TACR3: variants seen among roughly 807,000 people sequenced by gnomAD.
TACR3 encodes the protein neuromedin-K receptor.
A neutral mutation model predicts 35.0 loss-of-function variants in TACR3; 34 were observed. The ratio of observed to expected loss-of-function variants is 0.97; its 90% CI spans 0.74 to 1.30. TACR3 has a LOEUF of 1.30. Ranked by LOEUF, TACR3 falls within the 50% of genes most tolerant of loss-of-function variation. TACR3 has a pLI of 0.00. For synonymous variants in TACR3, 233 were observed against 221.1 expected, an observed-to-expected ratio of 1.05 and a Z score of -0.48; for missense variants, 558 against 591.7, an observed-to-expected ratio of 0.94 and a Z score of 0.59.
At chr4:103,598,529 A>G (rs1388202164) in intron 3 of TACR3, among the ~76,000 whole-genome samples, 1 of 152,160 alleles carries the variant, frequency 6.6e-6, no homozygotes, top group African/African-American at 2.4e-5. Flanking sequence ...GTCCTTGCCC[A>G]TGCCTATGTA....
At chr4:103,699,697 T>G (rs1207451198) in intron 1 of TACR3, among the ~76,000 whole-genome samples, 1 of 152,246 alleles carries the variant, frequency 6.6e-6, no homozygotes, top group Non-Finnish European at 1.5e-5. Context: ...TAGACATGAC[T>G]AGATTTGCTG....
At chr4:103,600,281 C>T (rs1280071940) in intron 3 of TACR3, among the ~76,000 whole-genome samples, 2 of 152,022 alleles carry the variant, frequency 1.3e-5, no homozygotes, top group South Asian at 2.1e-4. Flanking sequence ...AGTTTGTATT[C>T]CTGTGGGATC....
At chr4:103,717,623 G>C (rs1406651162) in intron 1 of TACR3, among the ~76,000 whole-genome samples, 1 of 151,908 alleles carries the variant, frequency 6.6e-6, no homozygotes, top group East Asian at 1.9e-4. Context: ...AAGACTGTAA[G>C]AATTTTATAA....
At chr4:103,706,005 A>C (rs1722778802) in intron 1 of TACR3, among the ~76,000 whole-genome samples, 1 of 152,192 alleles carries the variant, frequency 6.6e-6, no homozygotes, top group Non-Finnish European at 1.5e-5. Flanking sequence ...GGGTAGGTTA[A>C]GCCTGGATGC....
chr4:103,629,850 C>CAAAA, intron 3 of TACR3, among the ~76,000 whole-genome samples: 2 of 90,082 alleles, frequency 2.2e-5, no homozygotes, highest in South Asian at 3.6e-4. Context: ...CTAAGCAAAA[C>CAAAA]AAAAAAAAAA....
At chr4:103,692,711 T>C (rs1722433048) in intron 1 of TACR3, among the ~76,000 whole-genome samples, 1 of 152,160 alleles carries the variant, frequency 6.6e-6, no homozygotes. Context: ...CACATCCAGA[T>C]AGCAAATAAA....
intron 4 of TACR3, 40 bp from the exon 5 acceptor site, chr4:103,590,034 T>G: frequency 3.1e-6 from 5 of 1,588,948 alleles, no homozygotes; most frequent in Non-Finnish European, 4.3e-6. Flanking sequence ...AGTTATTTTT[T>G]CAAGCAGATA....
chr4:103,711,770 C>T (rs1722968796), intron 1 of TACR3, among the ~76,000 whole-genome samples: 2 of 152,100 alleles, frequency 1.3e-5, no homozygotes, highest in Admixed American at 6.6e-5. Context: ...AAAATCTCCT[C>T]AAGCTGATAA....
intron 3 of TACR3, among the ~76,000 whole-genome samples, chr4:103,607,613 T>G (rs1210136775): frequency 6.6e-6 from 1 of 152,146 alleles, no homozygotes; most frequent in Admixed American, 6.6e-5. Context: ...ATACAGTTGT[T>G]TTTGTGTACT....
At chr4:103,662,566 T>C (rs1375511119) in intron 1 of TACR3, among the ~76,000 whole-genome samples, 1 of 152,066 alleles carries the variant, frequency 6.6e-6, no homozygotes, top group Non-Finnish European at 1.5e-5. Context: ...AAAAAAGATA[T>C]ATTGAGGACC....
intron 1 of TACR3, among the ~76,000 whole-genome samples, chr4:103,702,059 T>G (rs1306530889): frequency 6.6e-6 from 1 of 152,100 alleles, no homozygotes; most frequent in Non-Finnish European, 1.5e-5. Flanking sequence ...TGGGATCTAA[T>G]TAAACTAAAG....
rs1175262834 is a variant in TACR3 at position 103,650,810 on chromosome 4, TA to T, written c.888+5383del. On this transcript the variant is annotated intron_variant, in intron 3 of 4. Transcript: ENST00000304883. The stretch of plus-strand genomic sequence containing the variant: ...TATGATATATATATTTTATATATAA[TA>T]ATATATTATATAATAATATATATAT... Among the ~76,000 whole-genome samples the T allele has an allele frequency of 3.2e-4, 2 of 6,270 alleles. 1 individual carries two copies. The highest frequency in any genetic ancestry group is 3.9e-4 in the Non-Finnish European group (2 of 5,106). The allele number at this position is 6,270 out of a possible 152,430, so 4.1% of individuals were successfully genotyped here. A position where few individuals can be genotyped will look rare whatever the true frequency, so the allele number is the denominator to read the frequency against.
intron 3 of TACR3, among the ~76,000 whole-genome samples, chr4:103,600,697 C>T (rs1657979800): frequency 1.3e-5 from 2 of 152,180 alleles, no homozygotes; most frequent in Admixed American, 6.6e-5. Context: ...ATCTTTATTT[C>T]TGCCTTCATT....
chr4:103,632,164 G>T (rs896810729), intron 3 of TACR3, among the ~76,000 whole-genome samples: 1 of 152,048 alleles, frequency 6.6e-6, no homozygotes, highest in Non-Finnish European at 1.5e-5. Flanking sequence ...TTAGAAATGC[G>T]CATTCGTCTT....
chr4:103,661,888 T>C (rs1725842515), intron 1 of TACR3, among the ~76,000 whole-genome samples: 1 of 152,138 alleles, frequency 6.6e-6, no homozygotes, highest in African/African-American at 2.4e-5. Context: ...CAAACACTAG[T>C]GATCCAACAC....
chr4:103,665,407 G>A (rs1725915770), intron 1 of TACR3, among the ~76,000 whole-genome samples: 1 of 151,880 alleles, frequency 6.6e-6, no homozygotes, highest in South Asian at 2.1e-4. Flanking sequence ...ATATTTGAGG[G>A]AAATTATATT....
intron 1 of TACR3, among the ~76,000 whole-genome samples, chr4:103,669,419 C>T (rs1400832172): frequency 6.6e-6 from 1 of 152,074 alleles, no homozygotes; most frequent in Non-Finnish European, 1.5e-5. Context: ...TTTGAGGAAC[C>T]TCCATACTGT....
intron 1 of TACR3, among the ~76,000 whole-genome samples, chr4:103,685,158 G>C (rs1262066975): frequency 6.6e-6 from 1 of 152,080 alleles, no homozygotes; most frequent in East Asian, 1.9e-4. Context: ...GTATGGATTT[G>C]GTAAAGACAT....
At chr4:103,661,841 T>C (rs2110332187) in intron 1 of TACR3, among the ~76,000 whole-genome samples, 1 of 152,270 alleles carries the variant, frequency 6.6e-6, no homozygotes, top group Middle Eastern at 3.4e-3. Flanking sequence ...ATTCATTTAT[T>C]CAATAAAACA....
Sources: allele counts gnomAD v4.1 joint callset (sites outside exome capture counted in the v4.1 genomes callset), GRCh38; gene constraint gnomAD v4.1.1; transcripts MANE v1.5; gene names NCBI Gene and HGNC (gene_info 2026-07-23, HGNC 2026-07-21).